EGFR: variants seen among roughly 807,000 people sequenced by gnomAD.
The protein encoded by EGFR is avian erythroblastic leukemia viral (v-erb-b) oncogene homolog.
EGFR carries 58 observed loss-of-function variants against 143.0 expected under a neutral mutation model. That is an observed-to-expected ratio of 0.41 (90% confidence interval 0.33 to 0.50). EGFR has a LOEUF of 0.50. Among genes scored for constraint, EGFR ranks in the 20% least tolerant of loss-of-function variants. EGFR has a pLI of 0.39. For synonymous variants in EGFR, 613 were observed against 594.4 expected, an observed-to-expected ratio of 1.03 and a Z score of -0.45; for missense variants, 1,307 against 1,579.0, an observed-to-expected ratio of 0.83 and a Z score of 2.92.
chr7:55,029,600 T>C (rs1055527756), intron 1 of EGFR, among the ~76,000 whole-genome samples: 5 of 152,190 alleles, frequency 3.3e-5, no homozygotes, highest in Admixed American at 2.6e-4. Flanking sequence ...TTTCAAAAGT[T>C]AGAAAGTACC....
intron 15 of EGFR, among the ~76,000 whole-genome samples, chr7:55,169,144 T>A (rs964731125): frequency 1.3e-5 from 2 of 151,594 alleles, no homozygotes; most frequent in African/African-American, 4.8e-5. Context: ...TCTGTCACCC[T>A]GGCTGGAGTG....
intron 22 of EGFR, among the ~76,000 whole-genome samples, chr7:55,193,079 G>T (rs774667866): frequency 2.0e-5 from 3 of 150,240 alleles, no homozygotes; most frequent in South Asian, 2.2e-4. Context: ...AGGGTGGGGG[G>T]TATGGGAGGG....
At chr7:55,091,053 C>A (rs909361082) in intron 1 of EGFR, among the ~76,000 whole-genome samples, 2 of 152,228 alleles carry the variant, frequency 1.3e-5, no homozygotes, top group Non-Finnish European at 2.9e-5. Flanking sequence ...GACTTCTCAG[C>A]TGTCCCTGAG....
chr7:55,179,194 A>T (rs1242884486), intron 19 of EGFR, among the ~76,000 whole-genome samples: 1 of 152,230 alleles, frequency 6.6e-6, no homozygotes, highest in African/African-American at 2.4e-5. Flanking sequence ...AAAATCACAC[A>T]AATATTTAAG....
chr7:55,146,865 A>G (rs1028511782), intron 4 of EGFR, 125 bp downstream of exon 4: 8 of 1,335,116 alleles, frequency 6.0e-6, no homozygotes, highest in African/African-American at 1.4e-5. Flanking sequence ...AGTAGTAAGC[A>G]AAATATCTGA....
chr7:55,071,235 C>T (rs1325356564), intron 1 of EGFR, among the ~76,000 whole-genome samples: 6 of 152,270 alleles, frequency 3.9e-5, no homozygotes, highest in Admixed American at 1.3e-4. Context: ...CCATTAATTG[C>T]GTGAGGTAGA....
chr7:55,095,499 C>T (rs1270406783), intron 1 of EGFR, among the ~76,000 whole-genome samples: 1 of 152,228 alleles, frequency 6.6e-6, no homozygotes, highest in East Asian at 1.9e-4. Flanking sequence ...CAACACACAG[C>T]TCCCTGCCCA....
intron 1 of EGFR, among the ~76,000 whole-genome samples, chr7:55,121,166 C>T (rs1263135396): frequency 6.6e-6 from 1 of 152,220 alleles, no homozygotes; most frequent in African/African-American, 2.4e-5. Context: ...ACACTGTCCT[C>T]TTCAGAAAGC....
intron 4 of EGFR, among the ~76,000 whole-genome samples, chr7:55,149,233 G>A (rs939672988): frequency 6.6e-6 from 1 of 152,058 alleles, no homozygotes. Flanking sequence ...GCCATGAAGA[G>A]GGTTAATATC....
At chr7:55,022,714 A>C (rs939653876) in intron 1 of EGFR, among the ~76,000 whole-genome samples, 1 of 152,254 alleles carries the variant, frequency 6.6e-6, no homozygotes, top group Non-Finnish European at 1.5e-5. Context: ...GTAGCACAGA[A>C]TACAAGAAAC....
chr7:55,181,345 G>A lies in EGFR; in HGVS notation c.2336G>A (p.Gly779Asp), dbSNP rs397517120. The A allele has an allele frequency of 6.2e-7, 1 of 1,614,196 alleles. No individual in the cohort carries two copies. The highest frequency in any genetic ancestry group is 8.5e-7 in the Non-Finnish European group (1 of 1,180,052). ...AACCCCCACGTGTGCCGCCTGCTGG[G>A]CATCTGCCTCACCTCCACCGTGCAG... ...VDNPHVCRLL[G>D]ICLTSTVQLI... The change falls in exon 20 of 28, where the codon GGC (glycine) becomes GAC (aspartate). Residue 779 changes from glycine to aspartate, a missense_variant. Transcript: ENST00000275493.
At chr7:55,135,806 A>T (rs961383744) in intron 1 of EGFR, among the ~76,000 whole-genome samples, 1 of 152,156 alleles carries the variant, frequency 6.6e-6, no homozygotes, top group African/African-American at 2.4e-5. Context: ...GAGTGTCTTC[A>T]TAGATGTACA....
intron 1 of EGFR, among the ~76,000 whole-genome samples, chr7:55,114,756 T>A (rs1792727301): frequency 6.6e-6 from 1 of 152,146 alleles, no homozygotes; most frequent in African/African-American, 2.4e-5. Context: ...GTTTATGTTT[T>A]GTTATTTTTC....
intron 1 of EGFR, among the ~76,000 whole-genome samples, chr7:55,100,213 C>T (rs759536646): frequency 5.3e-5 from 8 of 152,194 alleles, no homozygotes; most frequent in Non-Finnish European, 7.3e-5. Flanking sequence ...GCTCTGAAGC[C>T]CTTTCACCTA....
chr7:55,197,447 A>C (rs752622996), intron 22 of EGFR, among the ~76,000 whole-genome samples: 9 of 152,302 alleles, frequency 5.9e-5, no homozygotes, highest in Admixed American at 1.3e-4. Flanking sequence ...GGATCATGTC[A>C]TCTGCAAACA....
At chr7:55,071,968 C>T (rs1789858975) in intron 1 of EGFR, among the ~76,000 whole-genome samples, 1 of 152,188 alleles carries the variant, frequency 6.6e-6, no homozygotes, top group African/African-American at 2.4e-5. Flanking sequence ...GCACATTTTT[C>T]TCTTGGATTG....
intron 1 of EGFR, among the ~76,000 whole-genome samples, chr7:55,093,133 A>G (rs911670450): frequency 6.6e-6 from 1 of 152,308 alleles, no homozygotes. Context: ...TCCTTAACTG[A>G]CATCTAGAAG....
At chr7:55,096,706 A>G (rs945195324) in intron 1 of EGFR, among the ~76,000 whole-genome samples, 16 of 152,112 alleles carry the variant, frequency 1.1e-4, no homozygotes, top group Admixed American at 7.2e-4. Context: ...GTCCCACTGA[A>G]AAGAAACTCC....
At chr7:55,103,867 T>C (rs1791966127) in intron 1 of EGFR, among the ~76,000 whole-genome samples, 1 of 152,270 alleles carries the variant, frequency 6.6e-6, no homozygotes, top group Non-Finnish European at 1.5e-5. Context: ...GAATAAAGGA[T>C]GCTGCATAGA....
Sources: allele counts gnomAD v4.1 joint callset (sites outside exome capture counted in the v4.1 genomes callset), GRCh38; gene constraint gnomAD v4.1.1; transcripts MANE v1.5; gene names NCBI Gene and HGNC (gene_info 2026-07-23, HGNC 2026-07-21).